NRG3: variants seen among roughly 807,000 people sequenced by gnomAD.
The protein encoded by NRG3 is pro-neuregulin-3, membrane-bound isoform.
A neutral mutation model predicts 66.9 loss-of-function variants in NRG3; 31 were observed. That is an observed-to-expected ratio of 0.46 (90% CI 0.35 to 0.63). The LOEUF (loss-of-function observed/expected upper bound fraction) is 0.63. Among genes scored for constraint, NRG3 ranks in the 20% least tolerant of loss-of-function variants. NRG3 has a pLI of 0.00. For missense variants in NRG3, 910 were observed against 878.9 expected (o/e 1.04, Z -0.45); for synonymous variants, 393 against 359.4 (o/e 1.09, Z -1.06).
chr10:81,983,562 T>A (rs547729995), intron 1 of NRG3, among the ~76,000 whole-genome samples: 1 of 152,376 alleles, frequency 6.6e-6, no homozygotes, highest in African/African-American at 2.4e-5. Context: ...TCTCTTTTTT[T>A]ATAATTTCTT....
At chr10:82,399,105 G>C (rs1404823953) in intron 2 of NRG3, among the ~76,000 whole-genome samples, 1 of 152,104 alleles carries the variant, frequency 6.6e-6, no homozygotes, top group South Asian at 2.1e-4. Context: ...GTACTATCTG[G>C]AATACATGCC....
At chr10:82,211,893 G>A (rs2075411590) in intron 1 of NRG3, among the ~76,000 whole-genome samples, 1 of 152,140 alleles carries the variant, frequency 6.6e-6, no homozygotes, top group Non-Finnish European at 1.5e-5. Flanking sequence ...GCAGTGTACT[G>A]TGTCTCCTCA....
intron 1 of NRG3, among the ~76,000 whole-genome samples, chr10:82,315,073 A>G (rs1195437492): frequency 6.6e-6 from 1 of 152,148 alleles, no homozygotes; most frequent in African/African-American, 2.4e-5. Flanking sequence ...TTGTTATACC[A>G]CCCATTATCA....
chr10:82,236,772 G>C lies in NRG3; in HGVS notation c.824-121967G>C, dbSNP rs1464233387. On this transcript the variant is annotated intron_variant, in intron 1 of 8. Coordinates refer to ENST00000372141, the MANE Select transcript of NRG3 (RefSeq NM_001010848.4). Reference sequence around the variant, plus strand: ...GCTCTGTTGCCCAGGCTGGAGTGCAGTGGTGCGATCTCCGCCTACTGCAAG... The same window carrying C: ...GCTCTGTTGCCCAGGCTGGAGTGCACTGGTGCGATCTCCGCCTACTGCAAG... 2.2e-5 allele frequency among the ~76,000 whole-genome samples: 3 copies of C among 134,650 alleles called. No homozygotes were observed. The East Asian group carries it at 6.7e-4, about 30-fold the overall frequency. The allele number at this position is 134,650 out of a possible 152,430, so 88.3% of individuals were successfully genotyped here.
intron 1 of NRG3, among the ~76,000 whole-genome samples, chr10:81,923,211 C>T (rs1456830234): frequency 6.6e-6 from 1 of 152,172 alleles, no homozygotes; most frequent in Non-Finnish European, 1.5e-5. Context: ...TCTGATCAGA[C>T]TACCTACCTG....
intron 1 of NRG3, among the ~76,000 whole-genome samples, chr10:82,157,115 CA>C (rs2071253820): frequency 6.6e-6 from 1 of 151,606 alleles, no homozygotes; most frequent in Admixed American, 6.6e-5. Flanking sequence ...TACTATTAAG[CA>C]TTGTTAAATC....
chr10:82,382,661 A>G (rs1367404795), intron 2 of NRG3, among the ~76,000 whole-genome samples: 1 of 152,036 alleles, frequency 6.6e-6, no homozygotes, highest in Non-Finnish European at 1.5e-5. Context: ...GTCGAAACCG[A>G]TATTAAATAT....
intron 1 of NRG3, among the ~76,000 whole-genome samples, chr10:81,986,371 A>C (rs2060519063): frequency 6.6e-6 from 1 of 152,190 alleles, no homozygotes; most frequent in African/African-American, 2.4e-5. Flanking sequence ...GAAGGATTTC[A>C]AAATGTAAAT....
intron 1 of NRG3, among the ~76,000 whole-genome samples, chr10:82,105,936 T>C (rs190378440): frequency 1.3e-5 from 2 of 152,292 alleles, no homozygotes; most frequent in Admixed American, 1.3e-4. Context: ...GGCTTTTCAG[T>C]TGAGTGATGG....
At chr10:82,896,236 A>C (rs1843653634) in intron 4 of NRG3, among the ~76,000 whole-genome samples, 1 of 152,180 alleles carries the variant, frequency 6.6e-6, no homozygotes, top group South Asian at 2.1e-4. Context: ...CTACCAGTTA[A>C]TGCTCACAAC....
intron 2 of NRG3, among the ~76,000 whole-genome samples, chr10:82,420,568 A>G (rs1590066901): frequency 6.6e-6 from 1 of 152,260 alleles, no homozygotes; most frequent in Middle Eastern, 3.4e-3. Context: ...GTCTGCTCAA[A>G]TCCAAATTAT....
chr10:82,272,219 A>G (rs968809048), intron 1 of NRG3, among the ~76,000 whole-genome samples: 3 of 152,048 alleles, frequency 2.0e-5, no homozygotes, highest in Non-Finnish European at 4.4e-5. Context: ...TAAAGGATGA[A>G]GCAAGAAAAA....
chr10:82,496,974 A>AT (rs888999243), intron 2 of NRG3, among the ~76,000 whole-genome samples: 8 of 152,158 alleles, frequency 5.3e-5, no homozygotes, highest in African/African-American at 9.6e-5. Context: ...ATTAACTTTG[A>AT]TTTTTTTCCC....
rs186690067 is a variant in NRG3 at position 82,461,706 on chromosome 10, G to A, written c.953+102838G>A. Among the ~76,000 whole-genome samples the A allele has an allele frequency of 8.9e-5, 13 of 146,240 alleles. No individual in the cohort carries two copies. The East Asian group carries it at 2.3e-3, about 25-fold the overall frequency. ...TTTTACTCTATTTTGGCAACACCTGGCACAGTGCTTGATACTTGATACAGG... is the reference window on the plus strand; with the variant it reads ...TTTTACTCTATTTTGGCAACACCTGACACAGTGCTTGATACTTGATACAGG... On this transcript the variant is annotated intron_variant, in intron 2 of 8. Transcript: ENST00000372141.
chr10:82,084,717 G>C (rs556645675), intron 1 of NRG3, among the ~76,000 whole-genome samples: 1 of 152,096 alleles, frequency 6.6e-6, no homozygotes, highest in Non-Finnish European at 1.5e-5. Flanking sequence ...ATCACCCCCA[G>C]TGTGAGCCCA....
chr10:82,888,266 A>C (rs570281587), intron 4 of NRG3, among the ~76,000 whole-genome samples: 1 of 152,334 alleles, frequency 6.6e-6, no homozygotes, highest in Admixed American at 6.5e-5. Flanking sequence ...TTTTGTACAC[A>C]CACACTCACA....
chr10:82,770,539 C>T (rs2059677352), intron 3 of NRG3, among the ~76,000 whole-genome samples: 2 of 152,152 alleles, frequency 1.3e-5, no homozygotes, highest in Non-Finnish European at 2.9e-5. Flanking sequence ...TTGGGCTTCT[C>T]TGCCATGGCT....
chr10:82,823,961 C>A (rs371231530), intron 3 of NRG3, among the ~76,000 whole-genome samples: 2 of 152,126 alleles, frequency 1.3e-5, no homozygotes, highest in South Asian at 4.1e-4. Context: ...TCATCACCTG[C>A]CTGCCAATAA....
At chr10:82,980,149 G>A (rs941295371) in intron 8 of NRG3, among the ~76,000 whole-genome samples, 1 of 151,938 alleles carries the variant, frequency 6.6e-6, no homozygotes, top group African/African-American at 2.4e-5. Context: ...AGGCTATACT[G>A]AGTGCACATG....
Sources: allele counts gnomAD v4.1 joint callset (sites outside exome capture counted in the v4.1 genomes callset), GRCh38; gene constraint gnomAD v4.1.1; transcripts MANE v1.5; gene names NCBI Gene and HGNC (gene_info 2026-07-23, HGNC 2026-07-21).